The following TMEM200C variants were observed in gnomAD, a reference collection of about 807,000 sequenced individuals.
TMEM200C encodes transmembrane protein TTMA.
For synonymous variants in TMEM200C, 462 were observed against 324.7 expected, an observed-to-expected ratio of 1.42 and a Z score of -4.55; for missense variants, 966 against 699.9, an observed-to-expected ratio of 1.38 and a Z score of -4.29.
chr18:5,890,289 T>C (rs752875973), exon 3 of TMEM200C: 4 of 1,599,684 alleles, frequency 2.5e-6, no homozygotes, highest in Admixed American at 3.5e-5. Context: ...AAACTGCCTC[T>C]GCACCGGCTG....
In TMEM200C at chr18:5,891,533, G is replaced by A. The variant is rs1321463732; in HGVS notation, c.531C>T (p.Ile177=). The A allele has an allele frequency of 1.9e-6, 3 of 1,613,280 alleles. No individual in the cohort carries two copies. In the South Asian group the frequency reaches 3.3e-5, roughly 18 times the overall value. ...CCGCGTTTGCGCAGATGAAGAGGAA[G>A]ATGCCGATGCCCATGATGAGGGGCC... The change falls in exon 3 of 3, where the codon ATC becomes ATT. Residue 177 remains isoleucine (I), a synonymous_variant. Transcript: ENST00000581347. This position sits in a 1 kb window ranked among gnomAD's most constrained non-coding sequence, Gnocchi z 4.7.
intron 2 of TMEM200C, among the ~76,000 whole-genome samples, chr18:5,894,759 A>G (rs905593391): frequency 2.0e-5 from 3 of 152,118 alleles, no homozygotes; most frequent in African/African-American, 7.2e-5. Flanking sequence ...TGGTCTGCTT[A>G]TTGATGTTAG....
chr18:5,891,077 G>C lies in TMEM200C; in HGVS notation c.987C>G (p.Arg329=), dbSNP rs926486022. The C allele has an allele frequency of 1.5e-5, 8 of 534,932 alleles. No homozygotes were observed. The highest frequency in any genetic ancestry group is 8.5e-5 in the Admixed American group (2 of 23,498). The allele number at this position is 534,932 out of a possible 1,614,324, so 33.1% of individuals were successfully genotyped here. ...CCCGGCGACTGCCTGCCACGCCCGA[G>C]CGCTCGCGGTAGACGCTGTACACGG... The change falls in exon 3 of 3, where the codon CGC becomes CGG. Residue 329 remains arginine (R), a synonymous_variant. Coordinates refer to ENST00000581347, the Ensembl canonical transcript of TMEM200C. This position sits in a 1 kb window ranked among gnomAD's most constrained non-coding sequence, Gnocchi z 4.7.
chr18:5,890,980 A>T, exon 3 of TMEM200C: 1 of 657,164 alleles, frequency 1.5e-6, no homozygotes, highest in Non-Finnish European at 2.7e-6. Context: ...TGGCGCCCCC[A>T]GCTCTCGGGT....
chr18:5,891,906 C>T lies in TMEM200C; in HGVS notation c.158G>A (p.Gly53Glu). Residue 53 changes from glycine (G) to glutamate (E), a missense_variant, in exon 3 of 3, where the codon GGG (glycine) becomes GAG (glutamate). Coordinates refer to ENST00000581347, the Ensembl canonical transcript of TMEM200C. This position sits in a 1 kb window ranked among gnomAD's most constrained non-coding sequence, Gnocchi z 4.7. ...CAGGATCCCACAGAGGGCGATGAGC[C>T]CTGAGATGGAGCACAGCTTCAGCTT... 1 of 1,613,498 alleles carries T rather than the reference C, an allele frequency of 6.2e-7. No homozygotes were observed. The highest frequency in any genetic ancestry group is 8.5e-7 in the Non-Finnish European group (1 of 1,179,884).
Position 5,890,440 on chromosome 18 carries a change from C to T in TMEM200C, c.1624G>A (p.Glu542Lys), listed in dbSNP as rs774612456. Residue 542 changes from glutamate to lysine, a missense_variant, in exon 3 of 3, where the codon GAG becomes AAG. Glu to Lys is a moderately conservative substitution (Grantham distance 56). Transcript: ENST00000581347. ...ACCGACTCGGTGGAGGTGCCGGCCT[C>T]CCGCAGGGGTGTGTAGCCCTTATTG... 1.6e-5 allele frequency: 26 copies of T among 1,576,218 alleles called. No individual in the cohort carries two copies. The Admixed American group carries it at 2.1e-4, about 13-fold the overall frequency.
exon 3 of TMEM200C, chr18:5,882,965 A>G (rs1183115414): frequency 6.6e-6 from 1 of 152,150 alleles, no homozygotes; most frequent in African/African-American, 2.4e-5. Context: ...CTTGCTCTTT[A>G]TCAAGAATTC....
At position 5,891,198 on chromosome 18, in the gene TMEM200C, G is replaced by A; in HGVS notation, c.866C>T (p.Ala289Val). 1 of 989,850 alleles carries A rather than the reference G, an allele frequency of 1.0e-6. No individual in the cohort carries two copies. Among genetic ancestry groups the A allele is most frequent in the Non-Finnish European group, 1.3e-6 (1 of 759,920 alleles). The allele number at this position is 989,850 out of a possible 1,614,324, so 61.3% of individuals were successfully genotyped here. The change falls in exon 3 of 3, where the codon GCG becomes GTG. Residue 289 changes from alanine to valine, a missense_variant. Coordinates refer to ENST00000581347, the Ensembl canonical transcript of TMEM200C. This position sits in a 1 kb window ranked among gnomAD's most constrained non-coding sequence, Gnocchi z 4.7. ...CCGAGGGCGGCCGCCGCTCGGCGCC[G>A]CGGGGTGAGGAGGCCACGAGCCCTT...
In TMEM200C at chr18:5,891,098, C is replaced by G. The variant is rs1373629364; in HGVS notation, c.966G>C (p.Val322=). 1.1e-5 allele frequency: 6 copies of G among 522,150 alleles called. No homozygotes were observed. Among genetic ancestry groups the G allele is most frequent in the African/African-American group, 8.2e-5 (4 of 49,060 alleles). The allele number at this position is 522,150 out of a possible 1,614,324, so 32.3% of individuals were successfully genotyped here. A position where few individuals can be genotyped will look rare whatever the true frequency, so the allele number is the denominator to read the frequency against. ...CCGAGCGCTCGCGGTAGACGCTGTA[C>G]ACGGCCTCGGCCAGGCTCGGGGGCT... is the stretch of plus-strand genomic sequence containing the variant. Residue 322 remains valine (V), a synonymous_variant, in exon 3 of 3, where the codon GTG becomes GTC. Transcript: ENST00000581347. This position sits in a 1 kb window ranked among gnomAD's most constrained non-coding sequence, Gnocchi z 4.7.
At chr18:5,895,860 T>A (rs1453902582) in exon 1 of TMEM200C, 3 of 151,646 alleles carry the variant, frequency 2.0e-5, no homozygotes, top group Admixed American at 2.0e-4. Context: ...ACTACCTGTC[T>A]GAGCCGCGGG....
chr18:5,896,140 G>T (rs868110588), upstream of TMEM200C, among the ~76,000 whole-genome samples: 1 of 152,146 alleles, frequency 6.6e-6, no homozygotes, highest in Non-Finnish European at 1.5e-5. Flanking sequence ...CGCCCCCGCC[G>T]GGACGGGCGC....
At position 5,891,400 on chromosome 18, in the gene TMEM200C, C is replaced by G; in HGVS notation, c.664G>C (p.Ala222Pro). ...GCGGCGGCGGCCGCGGCGGCGGCCG[C>G]GGCGGCCGCCAGGTCTTTGGCGCGG... Residue 222 changes from alanine to proline, a missense_variant, in exon 3 of 3, where the codon GCG becomes CCG. Coordinates refer to ENST00000581347, the Ensembl canonical transcript of TMEM200C. This position sits in a 1 kb window ranked among gnomAD's most constrained non-coding sequence, Gnocchi z 4.7. 7.4e-7 allele frequency: 1 copy of G among 1,358,994 alleles called. No homozygotes were observed. Among genetic ancestry groups the G allele is most frequent in the Non-Finnish European group, 9.4e-7 (1 of 1,059,554 alleles). The allele number at this position is 1,358,994 out of a possible 1,614,324, so 84.2% of individuals were successfully genotyped here.
chr18:5,883,504 A>G (rs1180003559), exon 3 of TMEM200C: 1 of 152,128 alleles, frequency 6.6e-6, no homozygotes, highest in African/African-American at 2.4e-5. Context: ...CAGTCCACAA[A>G]CAATACTCAT....
At chr18:5,892,358 G>C (rs1258281719) in intron 2 of TMEM200C, among the ~76,000 whole-genome samples, 2 of 152,186 alleles carry the variant, frequency 1.3e-5, no homozygotes, top group Non-Finnish European at 2.9e-5. Context: ...ACAACTAATA[G>C]GTGGTTATAA....
In TMEM200C at chr18:5,891,203, G is replaced by C; in HGVS notation, c.861C>G (p.His287Gln). The change falls in exon 3 of 3, where the codon CAC becomes CAG. Residue 287 changes from histidine to glutamine, a missense_variant. Transcript: ENST00000581347. The surrounding 1 kb of genome is among the most constrained non-coding windows in gnomAD (Gnocchi z 4.7). ...GGCGGCCGCCGCTCGGCGCCGCGGG[G>C]TGAGGAGGCCACGAGCCCTTGGCCA... The C allele has an allele frequency of 9.6e-7, 1 of 1,041,030 alleles. No individual in the cohort carries two copies. Among genetic ancestry groups the C allele is most frequent in the Non-Finnish European group, 1.2e-6 (1 of 803,130 alleles). 64.5% of individuals were successfully genotyped at this position (1,041,030 alleles called of 1,614,324 possible). A position where few individuals can be genotyped will look rare whatever the true frequency, so the allele number is the denominator to read the frequency against.
At chr18:5,885,784 C>A (rs2095164909) in exon 3 of TMEM200C, 1 of 151,996 alleles carries the variant, frequency 6.6e-6, no homozygotes, top group African/African-American at 2.4e-5. Flanking sequence ...AAGAAAAAAC[C>A]CCAAAGATAA....
At chr18:5,890,671 C>T (rs2144447934) in exon 3 of TMEM200C, 2 of 585,538 alleles carry the variant, frequency 3.4e-6, no homozygotes, top group African/African-American at 1.9e-5. Flanking sequence ...CGCAAGGCCG[C>T]GTACCTGCCG....
chr18:5,892,681 A>G (rs912647578), intron 2 of TMEM200C, among the ~76,000 whole-genome samples: 1 of 152,254 alleles, frequency 6.6e-6, no homozygotes, highest in Admixed American at 6.5e-5. Context: ...CAGTCAGGAA[A>G]GTTACTACTG....
Position 5,891,884 on chromosome 18 carries a change from G to T in TMEM200C, c.180C>A (p.Ile60=). Residue 60 remains isoleucine (I), a synonymous_variant, in exon 3 of 3, where the codon ATC becomes ATA. Transcript: ENST00000581347. The surrounding 1 kb of genome is among the most constrained non-coding windows in gnomAD (Gnocchi z 4.7). ...TGGCTATGCCCACCAGCAGCACCAGGATCCCACAGAGGGCGATGAGCCCTG... is the reference window on the plus strand; with the variant it reads ...TGGCTATGCCCACCAGCAGCACCAGTATCCCACAGAGGGCGATGAGCCCTG... 1 of 1,612,500 alleles carries T rather than the reference G, an allele frequency of 6.2e-7. No individual in the cohort carries two copies.
Sources: gnomAD v4.1 joint callset for allele counts (sites outside exome capture counted in the v4.1 genomes callset) on GRCh38, gnomAD v4.1.1 for gene constraint, Gnocchi (gnomAD v3.1) non-coding constraint, MANE v1.5 for transcripts, NCBI Gene and HGNC (gene_info 2026-07-23, HGNC 2026-07-21) for gene names.